The following EPHA6 variants were observed in gnomAD, a reference collection of about 807,000 sequenced individuals.
The protein encoded by EPHA6 is EPH receptor A6, also known as ephrin type-A receptor 6.
A neutral mutation model predicts 112.0 loss-of-function variants in EPHA6; 50 were observed. The observed-to-expected ratio is 0.45, with a 90% CI of 0.36 to 0.56. The LOEUF (loss-of-function observed/expected upper bound fraction) is 0.56. Among genes scored for constraint, EPHA6 ranks in the 20% least tolerant of loss-of-function variants. EPHA6 has a pLI of 0.00. For synonymous variants in EPHA6, 529 were observed against 490.7 expected (o/e 1.08, Z -1.03); for missense variants, 1,280 against 1,417.4 (o/e 0.90, Z 1.56).
chr3:97,635,639 G>C (rs1215720544), intron 13 of EPHA6, among the ~76,000 whole-genome samples: 1 of 152,078 alleles, frequency 6.6e-6, no homozygotes, highest in Non-Finnish European at 1.5e-5. Flanking sequence ...GCCCGGGGTG[G>C]TGGGAGGAGT....
At chr3:97,017,012 CAA>C (rs1257614622) in intron 3 of EPHA6, among the ~76,000 whole-genome samples, 2 of 152,110 alleles carry the variant, frequency 1.3e-5, no homozygotes, top group Admixed American at 1.3e-4. Flanking sequence ...CTGTTACAAA[CAA>C]ATTTGTTAAG....
intron 3 of EPHA6, among the ~76,000 whole-genome samples, chr3:96,989,790 T>G (rs1460347244): frequency 6.6e-6 from 1 of 152,088 alleles, no homozygotes; most frequent in East Asian, 1.9e-4. Flanking sequence ...CTCACTATCA[T>G]GAGAACAGCA....
At chr3:97,343,462 A>C (rs887212252) in intron 5 of EPHA6, among the ~76,000 whole-genome samples, 16 of 152,354 alleles carry the variant, frequency 1.1e-4, no homozygotes, top group Admixed American at 1.0e-3. Flanking sequence ...AGGCAAAAAT[A>C]AATTAGAACT....
chr3:97,625,102 T>G (rs1361261832), intron 13 of EPHA6, among the ~76,000 whole-genome samples: 1 of 151,656 alleles, frequency 6.6e-6, no homozygotes, highest in Non-Finnish European at 1.5e-5. Context: ...TTTTAGTTTG[T>G]TCTTCTCTTG....
At chr3:97,241,842 C>T (rs1001929699) in intron 4 of EPHA6, among the ~76,000 whole-genome samples, 1 of 140,064 alleles carries the variant, frequency 7.1e-6, no homozygotes, top group African/African-American at 2.6e-5. Flanking sequence ...TGATAATATT[C>T]TTCCTAGAAT....
chr3:97,258,001 T>A (rs1023544948), intron 5 of EPHA6, among the ~76,000 whole-genome samples: 2 of 152,066 alleles, frequency 1.3e-5, no homozygotes. Flanking sequence ...TTATAGTTGA[T>A]TATTTCTGTA....
intron 11 of EPHA6, among the ~76,000 whole-genome samples, chr3:97,545,073 G>T (rs2092925489): frequency 1.3e-5 from 2 of 152,014 alleles, no homozygotes; most frequent in Non-Finnish European, 2.9e-5. Flanking sequence ...TTTCAGTTCT[G>T]CTCTGATCTT....
At chr3:97,643,964 C>T (rs2107584819) in intron 14 of EPHA6, among the ~76,000 whole-genome samples, 1 of 151,312 alleles carries the variant, frequency 6.6e-6, no homozygotes, top group Non-Finnish European at 1.5e-5. Flanking sequence ...GAACTCTCCA[C>T]CCCAAATCAA....
intron 5 of EPHA6, among the ~76,000 whole-genome samples, chr3:97,246,991 A>T (rs1331521215): frequency 3.3e-5 from 5 of 152,032 alleles, no homozygotes; most frequent in African/African-American, 1.2e-4. Context: ...TTCAGAACAA[A>T]CTTTCAACTG....
At chr3:97,199,983 A>T (rs2077538804) in intron 3 of EPHA6, among the ~76,000 whole-genome samples, 2 of 152,104 alleles carry the variant, frequency 1.3e-5, no homozygotes, top group Middle Eastern at 3.2e-3. Context: ...AATCTCGTGA[A>T]GAAAGTATGA....
intron 3 of EPHA6, among the ~76,000 whole-genome samples, chr3:97,143,892 A>G (rs1350498568): frequency 6.6e-6 from 1 of 151,764 alleles, no homozygotes; most frequent in East Asian, 1.9e-4. Flanking sequence ...TCAGGGAGGT[A>G]AAATAAAACA....
intron 10 of EPHA6, among the ~76,000 whole-genome samples, chr3:97,486,296 G>T (rs2107506027): frequency 6.6e-6 from 1 of 152,200 alleles, no homozygotes; most frequent in South Asian, 2.1e-4. Flanking sequence ...TCCTTTTACT[G>T]TCCATATTCA....
chr3:96,918,575 G>A (rs1293477532), intron 2 of EPHA6, among the ~76,000 whole-genome samples: 1 of 151,914 alleles, frequency 6.6e-6, no homozygotes, highest in Admixed American at 6.6e-5. Context: ...TATACTTTGG[G>A]AACTTACTTT....
intron 14 of EPHA6, among the ~76,000 whole-genome samples, chr3:97,644,412 A>G (rs2094038659): frequency 6.7e-6 from 1 of 150,316 alleles, no homozygotes; most frequent in African/African-American, 2.5e-5. Context: ...TTCAAAAGCT[A>G]GCAGAAGGCA....
chr3:96,888,070 C>T (rs2037737185), intron 2 of EPHA6, among the ~76,000 whole-genome samples: 1 of 152,150 alleles, frequency 6.6e-6, no homozygotes, highest in Non-Finnish European at 1.5e-5. Context: ...GTGGAGTCTG[C>T]ACACCGGATT....
intron 11 of EPHA6, 120 bp from the exon 12 acceptor site, chr3:97,592,492 T>G: frequency 8.2e-7 from 1 of 1,218,406 alleles, no homozygotes; most frequent in Non-Finnish European, 1.2e-6. Context: ...ATCCCTTTAA[T>G]TTTATAACTT....
chr3:97,468,793 TC>T (rs2091139136), intron 7 of EPHA6, among the ~76,000 whole-genome samples: 1 of 151,672 alleles, frequency 6.6e-6, no homozygotes, highest in African/African-American at 2.4e-5. Flanking sequence ...GATTTTTATC[TC>T]TTTTTCACAA....
At chr3:96,958,351 TTGGGA>T (rs2041840539) in intron 2 of EPHA6, among the ~76,000 whole-genome samples, 1 of 152,104 alleles carries the variant, frequency 6.6e-6, no homozygotes, top group Non-Finnish European at 1.5e-5. Context: ...TTCTCTGACT[TTGGGA>T]TGTTAGCTCA....
chr3:97,456,511 T>A (rs891155865), intron 7 of EPHA6, among the ~76,000 whole-genome samples: 2 of 152,182 alleles, frequency 1.3e-5, no homozygotes, highest in African/African-American at 2.4e-5. Flanking sequence ...TATTATCCAA[T>A]AAATACACAA....
Sources: gnomAD v4.1 joint callset for allele counts (sites outside exome capture counted in the v4.1 genomes callset) on GRCh38, gnomAD v4.1.1 for gene constraint, MANE v1.5 for transcripts, NCBI Gene and HGNC (gene_info 2026-07-23, HGNC 2026-07-21) for gene names.